The following EEIG1 variants were observed in gnomAD, a reference collection of about 807,000 sequenced individuals.
EEIG1 encodes estrogen-induced osteoclastogenesis regulator 1, also known as early estrogen-induced gene 1 protein.
the EEIG1 span, among the ~76,000 whole-genome samples, chr9:127,967,947 A>G: frequency 3.5e-5 from 5 of 144,474 alleles, no homozygotes; most frequent in Admixed American, 3.4e-4. Flanking sequence ...TCTCCACCCC[A>G]GGACCATAGA....
chr9:127,972,026 C>T, the EEIG1 span, among the ~76,000 whole-genome samples: 1 of 152,112 alleles, frequency 6.6e-6, no homozygotes, highest in Non-Finnish European at 1.5e-5. The surrounding 1 kb of genome is among the most constrained non-coding windows in gnomAD (Gnocchi z 4.3). Flanking sequence ...ACCCACACTC[C>T]AGCCCACCAG....
the EEIG1 span, among the ~76,000 whole-genome samples, chr9:127,969,269 G>C: frequency 1.3e-5 from 2 of 152,226 alleles, no homozygotes; most frequent in African/African-American, 4.8e-5. Context: ...TCTGGGCCCA[G>C]GCAGGGACGG....
chr9:127,955,018 G>A, the EEIG1 span, among the ~76,000 whole-genome samples: 3 of 152,260 alleles, frequency 2.0e-5, no homozygotes, highest in East Asian at 1.9e-4. Context: ...CTGCATCCCC[G>A]AGCAGCTCCC....
At chr9:127,952,231 G>A in the EEIG1 span, among the ~76,000 whole-genome samples, 2 of 152,356 alleles carry the variant, frequency 1.3e-5, no homozygotes, top group African/African-American at 2.4e-5. Context: ...GGACGTCAGC[G>A]CCCCGGGCCA....
the EEIG1 span, chr9:127,948,449 C>T: frequency 6.2e-7 from 1 of 1,608,146 alleles, no homozygotes; most frequent in East Asian, 2.2e-5. Context: ...ATGCCCTGAC[C>T]ACCCACAGCC....
chr9:127,978,388 A>T, the EEIG1 span, among the ~76,000 whole-genome samples: 1 of 152,060 alleles, frequency 6.6e-6, no homozygotes, highest in African/African-American at 2.4e-5. Flanking sequence ...ACACGCACAC[A>T]TGGGCTCTCA....
the EEIG1 span, among the ~76,000 whole-genome samples, chr9:127,961,631 C>G: frequency 3.3e-5 from 5 of 152,212 alleles, no homozygotes; most frequent in African/African-American, 1.2e-4. Flanking sequence ...TGCATACCAG[C>G]TAGCCTGGGG....
At chr9:127,973,434 G>T in the EEIG1 span, among the ~76,000 whole-genome samples, 1 of 152,196 alleles carries the variant, frequency 6.6e-6, no homozygotes, top group South Asian at 2.1e-4. The surrounding 1 kb of genome is among the most constrained non-coding windows in gnomAD (Gnocchi z 4.2). Context: ...TCCCAGGACG[G>T]AGCTTGAAGC....
At chr9:127,980,036 C>T in the EEIG1 span, 3 of 1,613,708 alleles carry the variant, frequency 1.9e-6, no homozygotes, top group Non-Finnish European at 1.7e-6. Flanking sequence ...GCAGCCGGAC[C>T]TTGCAGAAGA....
chr9:127,980,181 G>A, the EEIG1 span: 6 of 1,585,118 alleles, frequency 3.8e-6, no homozygotes, highest in Middle Eastern at 3.4e-4. Flanking sequence ...GAAAAAAGGT[G>A]GAGAGGGACG....
chr9:127,970,279 G>C, the EEIG1 span, among the ~76,000 whole-genome samples: 2 of 152,240 alleles, frequency 1.3e-5, no homozygotes, highest in Non-Finnish European at 2.9e-5. Flanking sequence ...ACCATGCCCG[G>C]CTAATTTTTT....
the EEIG1 span, among the ~76,000 whole-genome samples, chr9:127,962,807 T>G: frequency 6.6e-6 from 1 of 152,052 alleles, no homozygotes; most frequent in East Asian, 1.9e-4. Context: ...GACAGGAGAC[T>G]CACTTGAGGA....
At chr9:127,948,322 CG>C in the EEIG1 span, 3 of 1,612,812 alleles carry the variant, frequency 1.9e-6, no homozygotes, top group Admixed American at 5.0e-5. Context: ...CCCTAGTGCC[CG>C]GGACTGGGCT....
chr9:127,945,855 G>T, the EEIG1 span: 1 of 786,416 alleles, frequency 1.3e-6, no homozygotes, highest in Admixed American at 2.2e-5. The surrounding 1 kb of genome is among the most constrained non-coding windows in gnomAD (Gnocchi z 6.5). Context: ...CCATGGCAGG[G>T]CGCCATTTAA....
the EEIG1 span, among the ~76,000 whole-genome samples, chr9:127,964,633 G>A: frequency 6.6e-6 from 1 of 152,244 alleles, no homozygotes; most frequent in Non-Finnish European, 1.5e-5. Context: ...CTCTGTGACA[G>A]GGCTCCAGCC....
the EEIG1 span, among the ~76,000 whole-genome samples, chr9:127,961,442 A>G: frequency 4.6e-5 from 7 of 152,210 alleles, no homozygotes; most frequent in Non-Finnish European, 1.0e-4. Context: ...TGGCCAGGTC[A>G]GGACTGAGGA....
the EEIG1 span, chr9:127,941,656 C>A: frequency 6.6e-6 from 1 of 152,186 alleles, no homozygotes; most frequent in Non-Finnish European, 1.5e-5. Context: ...CCAGCGGGGG[C>A]AGATGGGGAG....
the EEIG1 span, chr9:127,953,456 T>A: frequency 1.2e-6 from 1 of 813,732 alleles, no homozygotes; most frequent in Non-Finnish European, 2.1e-6. Flanking sequence ...AAATAACACA[T>A]CTCAGGTAGG....
chr9:127,980,467 C>G, the EEIG1 span: 1 of 179,562 alleles, frequency 5.6e-6, no homozygotes, highest in African/African-American at 2.4e-5. Flanking sequence ...GCCGCGCTGG[C>G]TTGCAGCATC....
Sources: gnomAD v4.1 joint callset for allele counts (sites outside exome capture counted in the v4.1 genomes callset) on GRCh38, gnomAD v4.1.1 for gene constraint, Gnocchi (gnomAD v3.1) non-coding constraint, MANE v1.5 for transcripts, NCBI Gene and HGNC (gene_info 2026-07-23, HGNC 2026-07-21) for gene names.